Variants in CNTNAP4 observed in about 807,000 individuals in gnomAD.
CNTNAP4 encodes contactin-associated protein-like 4.
Under a neutral mutation model 148.4 loss-of-function variants are expected in CNTNAP4, and 98 were observed. The observed-to-expected ratio is 0.66, with a 90% CI of 0.56 to 0.78. The LOEUF is 0.78. Among genes scored for constraint, CNTNAP4 ranks in the 30% least tolerant of loss-of-function variants. The probability of loss-of-function intolerance (pLI) is 0.00; values close to 1 mark genes in which losing one functional copy is unlikely to be tolerated. For missense variants in CNTNAP4, 1,935 were observed against 1,565.6 expected (o/e 1.24, Z -3.98); for synonymous variants, 730 against 565.1 (o/e 1.29, Z -4.14).
At chr16:76,314,771 ACT>A (rs1166096335) in intron 1 of CNTNAP4, among the ~76,000 whole-genome samples, 1 of 152,046 alleles carries the variant, frequency 6.6e-6, no homozygotes, top group Non-Finnish European at 1.5e-5. Context: ...AGATGGTGTC[ACT>A]CTGGTTCTAA....
At chr16:76,321,649 C>T (rs968223693) in intron 2 of CNTNAP4, among the ~76,000 whole-genome samples, 49 of 151,502 alleles carry the variant, frequency 3.2e-4, no homozygotes, top group African/African-American at 1.2e-3. Flanking sequence ...ATTAGCCGGG[C>T]GTGGTGGCGG....
At chr16:76,538,082 T>A in intron 18 of CNTNAP4, 34 bp from the exon 19 acceptor site, 2 of 1,007,574 alleles carry the variant, frequency 2.0e-6, no homozygotes, top group Non-Finnish European at 2.7e-6. Flanking sequence ...GTACTTAAAA[T>A]TTTTAACAAA....
At chr16:76,418,247 C>T (rs769475572) in intron 3 of CNTNAP4, among the ~76,000 whole-genome samples, 36 of 151,312 alleles carry the variant, frequency 2.4e-4, no homozygotes, top group East Asian at 2.3e-3. Flanking sequence ...TATGTTACAA[C>T]GTTTATAATT....
At chr16:76,453,475 T>C (rs2080597333) in intron 8 of CNTNAP4, among the ~76,000 whole-genome samples, 2 of 152,220 alleles carry the variant, frequency 1.3e-5, no homozygotes, top group South Asian at 2.1e-4. Flanking sequence ...ATTAAAATTA[T>C]AAAGTTCTTG....
intron 10 of CNTNAP4, among the ~76,000 whole-genome samples, chr16:76,475,219 A>G (rs536751704): frequency 6.6e-6 from 1 of 152,182 alleles, no homozygotes; most frequent in Non-Finnish European, 1.5e-5. Context: ...TTTTTGTTCA[A>G]TATTGATTTC....
At chr16:76,293,218 G>A (rs1351324970) in intron 1 of CNTNAP4, among the ~76,000 whole-genome samples, 2 of 151,710 alleles carry the variant, frequency 1.3e-5, no homozygotes, top group South Asian at 2.1e-4. Flanking sequence ...TCCACCTCCC[G>A]GGTTCGAGCG....
chr16:76,492,672 A>G (rs964466419), intron 13 of CNTNAP4, among the ~76,000 whole-genome samples: 1 of 152,150 alleles, frequency 6.6e-6, no homozygotes, highest in African/African-American at 2.4e-5. Context: ...GGCAGTGAAT[A>G]AGTCTCATGA....
At chr16:76,546,682 TC>T (rs1216722080) in intron 21 of CNTNAP4, among the ~76,000 whole-genome samples, 4 of 152,126 alleles carry the variant, frequency 2.6e-5, no homozygotes, top group African/African-American at 9.6e-5. Context: ...CCCAAAGCCA[TC>T]CCCCCACTCC....
chr16:76,407,143 G>A lies in CNTNAP4; in HGVS notation c.391-20309G>A, dbSNP rs533164463. On this transcript the variant is annotated intron_variant, in intron 3 of 23. Coordinates refer to ENST00000611870, the MANE Select transcript of CNTNAP4 (RefSeq NM_033401.5). ...TACCATTCTGAAAATCCTAGGACAC[G>A]TAAGAATTATGCTAAATTCTTCTCT... 1.4e-4 allele frequency among the ~76,000 whole-genome samples: 22 copies of A among 152,182 alleles called. 1 individual carries two copies. The South Asian group carries it at 3.5e-3, about 24-fold the overall frequency.
intron 1 of CNTNAP4, among the ~76,000 whole-genome samples, chr16:76,299,766 C>T (rs1959740126): frequency 1.3e-5 from 2 of 152,250 alleles, no homozygotes; most frequent in South Asian, 2.1e-4. Context: ...CAATGATAGA[C>T]TGGATTAAGA....
chr16:76,546,588 AT>A (rs1357093449), intron 21 of CNTNAP4, among the ~76,000 whole-genome samples: 1 of 152,212 alleles, frequency 6.6e-6, no homozygotes, highest in Non-Finnish European at 1.5e-5. Flanking sequence ...CTGATTCTAC[AT>A]TATGGCCAAT....
rs1398138711 is a variant in CNTNAP4 at position 76,397,994 on chromosome 16, A to G, written c.391-29458A>G. ...TATATATATATATATATATATATAT[A>G]TATATATGGAGTTTATTAAGGAGTA... On this transcript the variant is annotated intron_variant, in intron 3 of 23. Transcript: ENST00000611870. Among the ~76,000 whole-genome samples, 3 of 90,112 alleles carry G rather than the reference A, an allele frequency of 3.3e-5. 1 individual carries two copies. Among genetic ancestry groups the G allele is most frequent in the African/African-American group, 1.3e-4 (3 of 23,472 alleles). The allele number at this position is 90,112 out of a possible 152,430, so 59.1% of individuals were successfully genotyped here. A position where few individuals can be genotyped will look rare whatever the true frequency, so the allele number is the denominator to read the frequency against.
At chr16:76,513,098 T>C (rs946203570) in intron 15 of CNTNAP4, among the ~76,000 whole-genome samples, 3 of 152,140 alleles carry the variant, frequency 2.0e-5, no homozygotes, top group African/African-American at 7.2e-5. Flanking sequence ...AGAGAATTAA[T>C]AGCATGTCTG....
In CNTNAP4 at chr16:76,355,959, C is replaced by A. The variant is rs1215722578; in HGVS notation, c.390+448C>A. Reference sequence around the variant, plus strand: ...GCGCGATCTTGGCTCACTGCAACCTCTGCCTCCCGGGTTCAAGCGATTCTC... The same window carrying A: ...GCGCGATCTTGGCTCACTGCAACCTATGCCTCCCGGGTTCAAGCGATTCTC... On this transcript the variant is annotated intron_variant, in intron 3 of 23. Transcript: ENST00000611870. Among the ~76,000 whole-genome samples, 13 of 152,056 alleles carry A rather than the reference C, an allele frequency of 8.5e-5. No individual in the cohort carries two copies. In the South Asian group the frequency reaches 1.9e-3, roughly 22 times the overall value.
chr16:76,326,978 A>G (rs1275804483), intron 2 of CNTNAP4, among the ~76,000 whole-genome samples: 5 of 152,118 alleles, frequency 3.3e-5, no homozygotes, highest in African/African-American at 1.2e-4. Context: ...AAAAAAAAAG[A>G]AAACCAAAAA....
intron 1 of CNTNAP4, among the ~76,000 whole-genome samples, chr16:76,286,073 A>G (rs1042424589): frequency 6.6e-6 from 1 of 152,060 alleles, no homozygotes; most frequent in African/African-American, 2.4e-5. Flanking sequence ...ATGTATTGGT[A>G]TTTTAAAATC....
Position 76,516,769 on chromosome 16 carries a change from A to G in CNTNAP4, c.2366-4371A>G, listed in dbSNP as rs576871514. Among the ~76,000 whole-genome samples, 3 of 152,312 alleles carry G rather than the reference A, an allele frequency of 2.0e-5. 1 individual carries two copies. The highest frequency in any genetic ancestry group is 7.2e-5 in the African/African-American group (3 of 41,566). ...AGAAAACAATATGAGTAAATCTTCA[A>G]AGAGTAATTCTGGGCCAGAAGTGGT... is the stretch of plus-strand genomic sequence containing the variant. On this transcript the variant is annotated intron_variant, in intron 15 of 23. Transcript: ENST00000611870.
chr16:76,487,792 C>T (rs990052612), intron 12 of CNTNAP4, among the ~76,000 whole-genome samples: 9 of 152,106 alleles, frequency 5.9e-5, no homozygotes, highest in Admixed American at 3.9e-4. Flanking sequence ...CAAAAGGAAA[C>T]GTTGTTATGA....
intron 23 of CNTNAP4, 95 bp from the exon 24 acceptor site, chr16:76,558,395 G>A (rs1218649959): frequency 7.4e-6 from 5 of 672,076 alleles, no homozygotes; most frequent in Non-Finnish European, 1.3e-5. Flanking sequence ...TGCTTAAAGT[G>A]GAAAATAGTG....
Sources: allele counts gnomAD v4.1 joint callset (sites outside exome capture counted in the v4.1 genomes callset), GRCh38; gene constraint gnomAD v4.1.1; transcripts MANE v1.5; gene names NCBI Gene and HGNC (gene_info 2026-07-23, HGNC 2026-07-21).